PRUNE2: variants seen among roughly 807,000 people sequenced by gnomAD.
PRUNE2 encodes protein prune homolog 2.
Under a neutral mutation model 252.0 loss-of-function variants are expected in PRUNE2, and 164 were observed. That is an observed-to-expected ratio of 0.65 (90% CI 0.57 to 0.74). The LOEUF is 0.74. Among genes scored for constraint, PRUNE2 ranks in the 30% least tolerant of loss-of-function variants. PRUNE2 has a pLI of 0.00. For missense variants in PRUNE2, 3,495 were observed against 3,711.0 expected (o/e 0.94, Z 1.51); for synonymous variants, 1,292 against 1,350.2 (o/e 0.96, Z 0.94).
intron 15 of PRUNE2, among the ~76,000 whole-genome samples, chr9:76,636,063 T>C (rs953953367): frequency 5.9e-5 from 9 of 151,878 alleles, no homozygotes; most frequent in African/African-American, 7.3e-5. Context: ...AATGGCACAA[T>C]TGAGACATGA....
intron 6 of PRUNE2, among the ~76,000 whole-genome samples, chr9:76,726,400 C>T (rs186450281): frequency 2.0e-5 from 3 of 152,264 alleles, no homozygotes; most frequent in East Asian, 3.9e-4. Context: ...CACAGGCACA[C>T]GCACATACAT....
At chr9:76,692,113 A>T in intron 9 of PRUNE2, 1 of 717,426 alleles carries the variant, frequency 1.4e-6, no homozygotes. Flanking sequence ...GGAGGGTGAG[A>T]AGGATGCACG....
chr9:76,721,336 A>G (rs781544800), intron 6 of PRUNE2, among the ~76,000 whole-genome samples: 5 of 152,320 alleles, frequency 3.3e-5, no homozygotes, highest in Admixed American at 1.3e-4. Context: ...ACCTTCAGTG[A>G]ATTTTACTCC....
chr9:76,815,796 T>C (rs943637789), intron 6 of PRUNE2, among the ~76,000 whole-genome samples: 1 of 152,040 alleles, frequency 6.6e-6, no homozygotes, highest in African/African-American at 2.4e-5. Flanking sequence ...AACTGACCAA[T>C]AGGTAAAGCA....
At chr9:76,667,001 G>A (rs2040330441) in intron 9 of PRUNE2, among the ~76,000 whole-genome samples, 1 of 152,036 alleles carries the variant, frequency 6.6e-6, no homozygotes, top group East Asian at 1.9e-4. Flanking sequence ...AGCCAAGATC[G>A]CATCATTACA....
chr9:76,708,584 T>G lies in PRUNE2; in HGVS notation c.3690A>C (p.Ser1230=), dbSNP rs761214205. ...WDSVMRDKDM[S]SFMLPGSSHI... ...GTGAGGAGCCTGGTAACATGAATGA[T>G]GACATGTCTTTATCTCTCATGACAG... Residue 1230 remains serine (S), a synonymous_variant, in exon 8 of 19, where the codon TCA becomes TCC. Coordinates refer to ENST00000376718, the MANE Select transcript of PRUNE2 (RefSeq NM_015225.3). The G allele has an allele frequency of 6.2e-7, 1 of 1,613,928 alleles. No individual in the cohort carries two copies. The highest frequency in any genetic ancestry group is 2.2e-5 in the East Asian group (1 of 44,870).
At chr9:76,792,905 T>G (rs80099290) in intron 6 of PRUNE2, among the ~76,000 whole-genome samples, 17 of 152,260 alleles carry the variant, frequency 1.1e-4, no homozygotes, top group African/African-American at 4.1e-4. Context: ...ACAGTATTCA[T>G]GATATGCTAG....
intron 9 of PRUNE2, among the ~76,000 whole-genome samples, chr9:76,672,186 C>A: frequency 6.8e-6 from 1 of 147,942 alleles, no homozygotes; most frequent in Admixed American, 6.8e-5. Context: ...CACATAGGCT[C>A]AAAATAAAAG....
At chr9:76,736,137 T>TGTGA (rs748908571) in intron 6 of PRUNE2, among the ~76,000 whole-genome samples, 4 of 44,118 alleles carry the variant, frequency 9.1e-5, no homozygotes, top group Non-Finnish European at 1.8e-4. Flanking sequence ...TTTGTGTGAG[T>TGTGA]GTGTGTGTGT....
intron 6 of PRUNE2, among the ~76,000 whole-genome samples, chr9:76,812,996 C>T (rs1048748279): frequency 6.6e-6 from 1 of 152,160 alleles, no homozygotes. Flanking sequence ...CCTTCTTAAT[C>T]GTGCCATTAT....
intron 4 of PRUNE2, among the ~76,000 whole-genome samples, chr9:76,844,740 G>C (rs557309120): frequency 6.6e-6 from 1 of 152,104 alleles, no homozygotes; most frequent in African/African-American, 2.4e-5. Flanking sequence ...GTATTGGCAG[G>C]CTTCACAGGT....
At chr9:76,661,978 C>A (rs1488687023) in intron 9 of PRUNE2, among the ~76,000 whole-genome samples, 1 of 151,956 alleles carries the variant, frequency 6.6e-6, no homozygotes, top group Non-Finnish European at 1.5e-5. Context: ...GGGGCCATAC[C>A]TCTAGTTATC....
At position 76,613,263 on chromosome 9, in the gene PRUNE2, G is replaced by A. The variant is rs1342749157; in HGVS notation, c.*1307C>T. On this transcript the variant is annotated 3_prime_UTR_variant, in exon 19 of 19. Transcript: ENST00000376718. ...ATTGGGGTGGAGTAGGAAAGGATGC[G>A]TTTGCTAGAGCAGGGGTCAGCAAAC... The A allele has an allele frequency of 2.0e-5, 3 of 152,192 alleles. No homozygotes were observed. Among genetic ancestry groups the A allele is most frequent in the Non-Finnish European group, 2.9e-5 (2 of 68,026 alleles). 9.4% of individuals were successfully genotyped at this position (152,192 alleles called of 1,614,324 possible).
At chr9:76,820,088 T>C (rs1049719055) in intron 6 of PRUNE2, among the ~76,000 whole-genome samples, 5 of 152,144 alleles carry the variant, frequency 3.3e-5, no homozygotes, top group African/African-American at 1.2e-4. Flanking sequence ...CTTTCACACT[T>C]GGAATGGCTT....
chr9:76,796,165 C>T (rs139708087), intron 6 of PRUNE2, among the ~76,000 whole-genome samples: 40 of 152,270 alleles, frequency 2.6e-4, no homozygotes, highest in Admixed American at 7.8e-4. Flanking sequence ...TGCTTAAGAA[C>T]GCACAGCACT....
intron 6 of PRUNE2, among the ~76,000 whole-genome samples, chr9:76,742,381 A>G (rs2049711550): frequency 6.6e-6 from 1 of 152,182 alleles, no homozygotes; most frequent in African/African-American, 2.4e-5. Context: ...TGAGATGTTG[A>G]GAAGGGAGGA....
At chr9:76,635,221 C>T (rs570076928) in intron 15 of PRUNE2, among the ~76,000 whole-genome samples, 13 of 152,278 alleles carry the variant, frequency 8.5e-5, no homozygotes, top group African/African-American at 2.9e-4. Context: ...ATCTGCCCGC[C>T]TTGGCCTCCC....
chr9:76,631,123 C>T (rs73650264), intron 15 of PRUNE2, among the ~76,000 whole-genome samples: 1 of 152,212 alleles, frequency 6.6e-6, no homozygotes, highest in Non-Finnish European at 1.5e-5. Flanking sequence ...CCTGATAAGT[C>T]TTGGGTCAAC....
chr9:76,835,752 G>A (rs769519795), intron 4 of PRUNE2, among the ~76,000 whole-genome samples: 39 of 151,842 alleles, frequency 2.6e-4, no homozygotes, highest in Admixed American at 5.9e-4. Context: ...GAGAGAGAGA[G>A]AAAAAAAATA....
Sources: allele counts gnomAD v4.1 joint callset (sites outside exome capture counted in the v4.1 genomes callset), GRCh38; gene constraint gnomAD v4.1.1; transcripts MANE v1.5; gene names NCBI Gene and HGNC (gene_info 2026-07-23, HGNC 2026-07-21).